EML5: variants seen among roughly 807,000 people sequenced by gnomAD.
The protein encoded by EML5 is echinoderm microtubule-associated protein-like 5.
In EML5, 120 loss-of-function variants were observed where a neutral mutation model predicts 250.0. The ratio of observed to expected loss-of-function variants is 0.48; its 90% CI spans 0.41 to 0.56. The LOEUF (loss-of-function observed/expected upper bound fraction) is 0.56. EML5 is among the 20% of genes least tolerant of loss of function. The probability of loss-of-function intolerance (pLI) is 0.00; values close to 1 mark genes in which losing one functional copy is unlikely to be tolerated. For synonymous variants in EML5, 771 were observed against 806.5 expected (o/e 0.96, Z 0.75); for missense variants, 2,006 against 2,437.6 (o/e 0.82, Z 3.73).
At chr14:88,785,161 G>T (rs1044359195) in intron 1 of EML5, among the ~76,000 whole-genome samples, 3 of 152,186 alleles carry the variant, frequency 2.0e-5, no homozygotes, top group African/African-American at 7.2e-5. Context: ...TGGACATAGA[G>T]TAGAAGGATG....
chr14:88,618,263 G>A lies in EML5; in HGVS notation c.5607C>T (p.Ala1869=), dbSNP rs374476714. The change falls in exon 41 of 44, where the codon GCC becomes GCT. Residue 1869 remains alanine (A), a synonymous_variant. Transcript: ENST00000554922. ...VPSGKHLMDH[A]AIDRITWATW... ...TAGCCCAAGTAATTCTGTCAATAGC[G>A]GCATGATCCATAAGATGTTTTCCTG... The A allele has an allele frequency of 2.7e-5, 44 of 1,613,492 alleles. No individual in the cohort carries two copies. The highest frequency in any genetic ancestry group is 2.4e-4 in the South Asian group (22 of 91,070).
intron 14 of EML5, among the ~76,000 whole-genome samples, chr14:88,697,585 A>G (rs2093108532): frequency 6.6e-6 from 1 of 152,234 alleles, no homozygotes; most frequent in African/African-American, 2.4e-5. Flanking sequence ...ATGCACAGGT[A>G]AACTATCAAT....
At chr14:88,698,204 C>A (rs2093125007) in intron 14 of EML5, among the ~76,000 whole-genome samples, 1 of 149,996 alleles carries the variant, frequency 6.7e-6, no homozygotes, top group East Asian at 2.0e-4. Flanking sequence ...ATAAAAACTT[C>A]TACAGAATTT....
intron 28 of EML5, among the ~76,000 whole-genome samples, chr14:88,648,607 T>C (rs1352803061): frequency 6.6e-6 from 1 of 152,106 alleles, no homozygotes; most frequent in East Asian, 1.9e-4. Flanking sequence ...TCCTTCAAAC[T>C]TAACATCCCA....
intron 1 of EML5, among the ~76,000 whole-genome samples, chr14:88,788,273 C>T (rs1000388290): frequency 1.3e-5 from 2 of 152,106 alleles, no homozygotes; most frequent in African/African-American, 2.4e-5. Flanking sequence ...AGTTTCTATA[C>T]CATAAATACT....
intron 8 of EML5, among the ~76,000 whole-genome samples, chr14:88,719,853 G>T (rs2093562797): frequency 6.6e-6 from 1 of 151,790 alleles, no homozygotes; most frequent in East Asian, 1.9e-4. Flanking sequence ...CTAGGATCTG[G>T]TTTTTTGAAA....
chr14:88,621,219 C>G lies in EML5; in HGVS notation c.5096G>C (p.Gly1699Ala). The G allele has an allele frequency of 6.2e-7, 1 of 1,613,936 alleles. No individual in the cohort carries two copies. The highest frequency in any genetic ancestry group is 8.5e-7 in the Non-Finnish European group (1 of 1,179,872). Residue 1699 changes from glycine to alanine, a missense_variant, in exon 38 of 44, where the codon GGT becomes GCT. By Grantham distance (60) the Gly-to-Ala change is moderately conservative (BLOSUM62 0). Around this residue, in one of 7 missense-constraint regions of EML5, gnomAD observed 405 missense variants for 523.3 expected, o/e 0.77. Coordinates refer to ENST00000554922, the MANE Select transcript of EML5 (RefSeq NM_183387.3). ...TCCCCAGATTGGCCCATCCACATGA[C>G]CGTTAACTAAAATATTACAAGCTGC... is the stretch of plus-strand genomic sequence containing the variant. ...KNAACNILVN[G>A]HVDGPIWGLA...
At chr14:88,646,463 G>C (rs1489211955) in intron 29 of EML5, among the ~76,000 whole-genome samples, 4 of 151,998 alleles carry the variant, frequency 2.6e-5, no homozygotes, top group Non-Finnish European at 1.5e-5. Flanking sequence ...TTTCTGACAG[G>C]ACCATTTCAA....
At chr14:88,619,526 G>A (rs1307853415) in intron 39 of EML5, 2 of 152,094 alleles carry the variant, frequency 1.3e-5, no homozygotes. Flanking sequence ...GCTTTTAAAA[G>A]CCATTAGCAT....
At chr14:88,640,616 C>G (rs2091009225) in intron 31 of EML5, among the ~76,000 whole-genome samples, 1 of 151,890 alleles carries the variant, frequency 6.6e-6, no homozygotes, top group South Asian at 2.1e-4. Context: ...TAGAAAGATC[C>G]CAAATTAACA....
At position 88,615,667 on chromosome 14, in the gene EML5, A is replaced by C. The variant is rs760658629; in HGVS notation, c.*151T>G. 1.5e-6 allele frequency: 1 copy of C among 669,716 alleles called. No homozygotes were observed. Among genetic ancestry groups the C allele is most frequent in the Non-Finnish European group, 2.5e-6 (1 of 397,344 alleles). The allele number at this position is 669,716 out of a possible 1,614,324, so 41.5% of individuals were successfully genotyped here. ...AGTGCATATAGCAAATATTTTGAAC[A>C]GATCAGTCTTTCACTATTTTGATGA... is the stretch of plus-strand genomic sequence containing the variant. On this transcript the variant is annotated 3_prime_UTR_variant, in exon 44 of 44. Coordinates refer to ENST00000554922, the MANE Select transcript of EML5 (RefSeq NM_183387.3).
chr14:88,647,071 T>G (rs144053594), intron 28 of EML5, 116 bp from the exon 29 acceptor site: 2 of 915,768 alleles, frequency 2.2e-6, no homozygotes, highest in African/African-American at 3.4e-5. Flanking sequence ...GACAGCTATA[T>G]TGCATAATAT....
At chr14:88,767,098 T>A (rs1027123164) in intron 1 of EML5, among the ~76,000 whole-genome samples, 1 of 152,228 alleles carries the variant, frequency 6.6e-6, no homozygotes, top group Non-Finnish European at 1.5e-5. Context: ...AAACTCTGAA[T>A]CCTCTTAAAA....
chr14:88,746,212 C>A lies in EML5; in HGVS notation c.429G>T (p.Leu143Phe). The change falls in exon 3 of 44, where the codon TTG becomes TTT. Residue 143 changes from leucine to phenylalanine, a missense_variant. Transcript: ENST00000554922. ...TATCTGTATGACCAGGAGCCATAGA[C>A]AACATTTTTCCCCTTTTCCAGTCCC... is the stretch of plus-strand genomic sequence containing the variant. ...CVWDWKRGKM[L>F]SMAPGHTDRI... The A allele has an allele frequency of 6.2e-7, 1 of 1,613,264 alleles. No homozygotes were observed.
At chr14:88,729,533 G>A (rs977860068) in intron 7 of EML5, among the ~76,000 whole-genome samples, 2 of 151,872 alleles carry the variant, frequency 1.3e-5, no homozygotes, top group Non-Finnish European at 2.9e-5. Context: ...AAAGTTTTAT[G>A]GAAGTATAGG....
Position 88,663,097 on chromosome 14 carries a change from A to G in EML5, c.3432T>C (p.Thr1144=), listed in dbSNP as rs543985242. The change falls in exon 24 of 44, where the codon ACT becomes ACC. Residue 1144 remains threonine (T), a synonymous_variant. Transcript: ENST00000554922. ...CAAAGAATAATTGTTCCTTAGCACC[A>G]GTGTTGACCTGTAAAAGCTTTCCTT... The part of the protein sequence containing the change: ...DIRGKLLQVN[T]GAKEQLFFEA... 1.3e-6 allele frequency: 2 copies of G among 1,548,048 alleles called. No individual in the cohort carries two copies. Among genetic ancestry groups the G allele is most frequent in the East Asian group, 2.4e-5 (1 of 41,108 alleles).
rs546788304 is a variant in EML5 at position 88,622,862 on chromosome 14, T to A, written c.4899-144A>T. 1.2e-5 allele frequency: 6 copies of A among 514,094 alleles called. No homozygotes were observed. In the African/African-American group the frequency reaches 1.2e-4, roughly 10 times the overall value. The allele number at this position is 514,094 out of a possible 1,614,324, so 31.8% of individuals were successfully genotyped here. On this transcript the variant is annotated intron_variant, in intron 36 of 43. Coordinates refer to ENST00000554922, the MANE Select transcript of EML5 (RefSeq NM_183387.3). ...ATTTACCTCTAATATTCTTGTAAAC[T>A]TTCTATGGCAATTTGAGGATATACT...
chr14:88,626,698 G>T, intron 35 of EML5, 140 bp downstream of exon 35: 1 of 829,478 alleles, frequency 1.2e-6, no homozygotes, highest in Non-Finnish European at 1.8e-6. Context: ...ATTTTTGAAA[G>T]ATGAAATATA....
At chr14:88,666,147 T>C (rs2092301509) in intron 21 of EML5, among the ~76,000 whole-genome samples, 1 of 152,242 alleles carries the variant, frequency 6.6e-6, no homozygotes, top group South Asian at 2.1e-4. Flanking sequence ...CAATGATATA[T>C]GTGGAAGTTT....
Sources: allele counts gnomAD v4.1 joint callset (sites outside exome capture counted in the v4.1 genomes callset), GRCh38; gene constraint gnomAD v4.1.1; regional missense constraint gnomAD v4.1.1; transcripts MANE v1.5; gene names NCBI Gene and HGNC (gene_info 2026-07-23, HGNC 2026-07-21).